Variants in PGBD1 observed in about 807,000 individuals in gnomAD.
The protein encoded by PGBD1 is piggyBac transposable element-derived protein 1.
Under a neutral mutation model 34.7 loss-of-function variants are expected in PGBD1, and 25 were observed. The observed-to-expected ratio is 0.72, with a 90% CI of 0.52 to 1.00. PGBD1 has a LOEUF of 1.00. Among genes scored for constraint, PGBD1 ranks in the 50% least tolerant of loss-of-function variants. The pLI is 0.00. For synonymous variants in PGBD1, 292 were observed against 335.7 expected (o/e 0.87, Z 1.42); for missense variants, 830 against 959.4 (o/e 0.87, Z 1.78).
intron 1 of PGBD1, among the ~76,000 whole-genome samples, chr6:28,282,509 C>T (rs1166960237): frequency 6.6e-6 from 1 of 151,988 alleles, no homozygotes; most frequent in Non-Finnish European, 1.5e-5. Context: ...GGGAGTTGGG[C>T]AGGAATACCG....
intron 4 of PGBD1, among the ~76,000 whole-genome samples, chr6:28,292,813 T>C (rs1762503076): frequency 1.3e-5 from 2 of 152,136 alleles, no homozygotes. Context: ...GAGAATGCCA[T>C]GTGATCACTG....
At chr6:28,292,760 G>GA (rs1358509572) in intron 4 of PGBD1, among the ~76,000 whole-genome samples, 1 of 151,562 alleles carries the variant, frequency 6.6e-6, no homozygotes, top group South Asian at 2.1e-4. Context: ...CCAAGGGGTT[G>GA]AAAAAAAAGA....
chr6:28,288,622 A>G (rs543240771), intron 4 of PGBD1, among the ~76,000 whole-genome samples: 21 of 152,062 alleles, frequency 1.4e-4, no homozygotes, highest in African/African-American at 5.1e-4. Flanking sequence ...TTGGGAGGCC[A>G]TGGCAGGAGG....
intron 5 of PGBD1, 67 bp from the exon 6 acceptor site, chr6:28,297,828 T>TG: frequency 1.1e-5 from 3 of 281,172 alleles, no homozygotes; most frequent in Non-Finnish European, 1.3e-5. Flanking sequence ...TTTTTTTTTT[T>TG]TTTTTTTTTT....
Position 28,301,104 on chromosome 6 carries a change from T to C in PGBD1, c.1250T>C (p.Leu417Ser), listed in dbSNP as rs553195463. ...SGLLNLKSEK[L>S]NPVELFELFF... ...CTTTTGAATCTCAAGAGCGAAAAGTTGAACCCAGTAGAGCTTTTTGAATTA... is the reference window on the plus strand; with the variant it reads ...CTTTTGAATCTCAAGAGCGAAAAGTCGAACCCAGTAGAGCTTTTTGAATTA... The change falls in exon 7 of 7, where the codon TTG becomes TCG. Residue 417 changes from leucine (L) to serine (S), a missense_variant. Physicochemically the swap from Leu to Ser is moderately radical, Grantham distance 145 (BLOSUM62 -2). This residue lies in a region of PGBD1 where 457 missense variants were observed against 515.4 expected (regional missense o/e 0.89). Transcript: ENST00000682144. 3.1e-6 allele frequency: 5 copies of C among 1,614,202 alleles called. No individual in the cohort carries two copies. The South Asian group carries it at 5.5e-5, about 18-fold the overall frequency.
Position 28,301,394 on chromosome 6 carries a change from G to T in PGBD1, c.1540G>T (p.Asp514Tyr), listed in dbSNP as rs1237788845. 3.7e-6 allele frequency: 6 copies of T among 1,613,970 alleles called. No individual in the cohort carries two copies. In the African/African-American group the frequency reaches 6.7e-5, roughly 18 times the overall value. Residue 514 changes from aspartate (D) to tyrosine (Y), a missense_variant, in exon 7 of 7, where the codon GAT becomes TAT. By Grantham distance (160) the Asp-to-Tyr change is radical. This residue lies in a region of PGBD1 where 372 missense variants were observed against 427.9 expected (regional missense o/e 0.87). Transcript: ENST00000682144. ...NLHFADNGHL[D>Y]QKDKFTKLRP... ...GCACTTTGCAGATAATGGCCACCTAGATCAAAAAGATAAGTTTACAAAGTT... is the reference window on the plus strand; with the variant it reads ...GCACTTTGCAGATAATGGCCACCTATATCAAAAAGATAAGTTTACAAAGTT...
In PGBD1 at chr6:28,301,482, A is replaced by G; in HGVS notation, c.1628A>G (p.Tyr543Cys). ...TTGTATGCTCCCCTGGAAGAATACT[A>G]TTGCTTTGATAAGTCAATGTGTGAA... ...FLLYAPLEEYYCFDKSMCECF... is the reference protein window; with the variant it reads ...FLLYAPLEEYCCFDKSMCECF... Residue 543 changes from tyrosine to cysteine, a missense_variant, in exon 7 of 7, where the codon TAT (tyrosine) becomes TGT (cysteine). Transcript: ENST00000682144. 3 of 1,614,026 alleles carry G rather than the reference A, an allele frequency of 1.9e-6. No homozygotes were observed. The highest frequency in any genetic ancestry group is 2.5e-6 in the Non-Finnish European group (3 of 1,179,986).
Position 28,302,313 on chromosome 6 carries a change from TTAA to T in PGBD1, c.*33_*35del. The T allele has an allele frequency of 1.3e-6, 2 of 1,568,352 alleles. No homozygotes were observed. The highest frequency in any genetic ancestry group is 1.7e-6 in the Non-Finnish European group (2 of 1,156,170). The stretch of plus-strand genomic sequence containing the variant: ...ACATAAAATGGACATAGTGCAGACA[TTAA>T]TAAGACATAGAAAAATAATAATTAT... On this transcript the variant is annotated 3_prime_UTR_variant, in exon 7 of 7. Transcript: ENST00000682144.
intron 4 of PGBD1, among the ~76,000 whole-genome samples, chr6:28,289,799 G>A (rs1762392180): frequency 6.6e-6 from 1 of 152,114 alleles, no homozygotes; most frequent in South Asian, 2.1e-4. Context: ...AACAATAATG[G>A]CTAGCAACCT....
chr6:28,284,127 A>G lies in PGBD1; in HGVS notation c.314A>G (p.Lys105Arg), dbSNP rs1762212001. The change falls in exon 2 of 7, where the codon AAG becomes AGG. Residue 105 changes from lysine to arginine, a missense_variant. Coordinates refer to ENST00000682144, the MANE Select transcript of PGBD1 (RefSeq NM_032507.4). ...ILPKELQPCV[K>R]TYPLESGEEA... ...CCCAAGGAGCTCCAGCCCTGTGTGA[A>G]GACATATCCTCTGGAGAGTGGAGAG... 1.5e-5 allele frequency: 24 copies of G among 1,613,650 alleles called. No individual in the cohort carries two copies. The highest frequency in any genetic ancestry group is 2.0e-5 in the Non-Finnish European group (24 of 1,179,722).
rs1244982626 is a variant in PGBD1, at chr6:28,281,898, T to G, written c.-59T>G. On this transcript the variant is annotated 5_prime_UTR_variant, in exon 1 of 7. Coordinates refer to ENST00000682144, the MANE Select transcript of PGBD1 (RefSeq NM_032507.4). ...TTACGTGCATTCGTGAAGAAGCCCA[T>G]CAGTATTTCTTGAATACCAGGTACG... 6.5e-6 allele frequency: 1 copy of G among 152,772 alleles called. No individual in the cohort carries two copies. Among genetic ancestry groups the G allele is most frequent in the Non-Finnish European group, 1.5e-5 (1 of 68,472 alleles). 9.5% of individuals were successfully genotyped at this position (152,772 alleles called of 1,614,324 possible).
chr6:28,302,125 A>G lies in PGBD1; in HGVS notation c.2271A>G (p.Lys757=), dbSNP rs1319752768. 2 of 1,614,174 alleles carry G rather than the reference A, an allele frequency of 1.2e-6. No homozygotes were observed. The highest frequency in any genetic ancestry group is 1.1e-5 in the South Asian group (1 of 91,080). The change falls in exon 7 of 7, where the codon AAA becomes AAG. Residue 757 remains lysine, a synonymous_variant. Coordinates refer to ENST00000682144, the MANE Select transcript of PGBD1 (RefSeq NM_032507.4). ...SKYRVRIRSK[K]WYSILVSYMI... is the part of the protein sequence containing the mutation. The stretch of plus-strand genomic sequence containing the variant: ...ACAGGGTGAGGATAAGAAGCAAGAA[A>G]TGGTACTCAATTTTGGTGAGCTACA...
In PGBD1 at chr6:28,295,581, A is replaced by G. The variant is rs191501604; in HGVS notation, c.643-1235A>G. ...GTTCAACATCGCAGGAAGCCCCTCT[A>G]CCAGCAAAAAGATCACAACTCTCTG... is the stretch of plus-strand genomic sequence containing the variant. On this transcript the variant is annotated intron_variant, in intron 4 of 6. Transcript: ENST00000682144. Among the ~76,000 whole-genome samples the G allele has an allele frequency of 4.6e-5, 7 of 152,344 alleles. No individual in the cohort carries two copies. The South Asian group carries it at 6.2e-4, about 14-fold the overall frequency.
chr6:28,302,367 A>C lies in PGBD1; in HGVS notation c.*83A>C. 7.5e-7 allele frequency: 1 copy of C among 1,328,612 alleles called. No homozygotes were observed. The allele number at this position is 1,328,612 out of a possible 1,614,324, so 82.3% of individuals were successfully genotyped here. On this transcript the variant is annotated 3_prime_UTR_variant, in exon 7 of 7. Transcript: ENST00000682144. The stretch of plus-strand genomic sequence containing the variant: ...ACATGCTGTTGTACCCTCCCAAAGT[A>C]AATCTGATATATGTAATGAAGTTAT...
Position 28,297,551 on chromosome 6 carries a change from C to T in PGBD1, c.773-344C>T, listed in dbSNP as rs536749605. On this transcript the variant is annotated intron_variant, in intron 5 of 6. Transcript: ENST00000682144. ...AATTTTTTGTAGACACGGAGTCTCG[C>T]TATGTTGCCCAGGCTGGTCTTGAAC... is the stretch of plus-strand genomic sequence containing the variant. Among the ~76,000 whole-genome samples, 34 of 152,232 alleles carry T rather than the reference C, an allele frequency of 2.2e-4. 2 individuals carry two copies. The South Asian group carries it at 7.1e-3, about 32-fold the overall frequency.
rs1274429322 is a variant in PGBD1 at position 28,302,153 on chromosome 6, A to T, written c.2299A>T (p.Ile767Phe). 6.2e-7 allele frequency: 1 copy of T among 1,614,058 alleles called. No homozygotes were observed. The highest frequency in any genetic ancestry group is 1.3e-5 in the African/African-American group (1 of 74,924). The change falls in exon 7 of 7, where the codon ATT (isoleucine) becomes TTT (phenylalanine). Residue 767 changes from isoleucine (I) to phenylalanine (F), a missense_variant. Physicochemically the swap from Ile to Phe is conservative, Grantham distance 21 (BLOSUM62 0). Coordinates refer to ENST00000682144, the MANE Select transcript of PGBD1 (RefSeq NM_032507.4). ...GTACTCAATTTTGGTGAGCTACATG[A>T]TTGATGTAGCCATGAACAATGCATG... is the stretch of plus-strand genomic sequence containing the variant. ...KWYSILVSYM[I>F]DVAMNNAWQL...
chr6:28,287,035 A>G (rs1762305561), intron 3 of PGBD1, 45 bp from the exon 4 acceptor site: 5 of 1,480,374 alleles, frequency 3.4e-6, no homozygotes, highest in Non-Finnish European at 4.7e-6. Context: ...GGTACCCTAA[A>G]GGCCATCATG....
chr6:28,297,845 T>TTTTAAAAAAA, intron 5 of PGBD1, 50 bp from the exon 6 acceptor site: 1 of 283,634 alleles, frequency 3.5e-6, no homozygotes, highest in Middle Eastern at 6.6e-4. Context: ...TTTTTTTTTT[T>TTTTAAAAAAA]CAAAATTCAC....
intron 4 of PGBD1, among the ~76,000 whole-genome samples, chr6:28,291,124 C>CAAA (rs555039853): frequency 6.9e-4 from 47 of 68,464 alleles, no homozygotes; most frequent in South Asian, 1.6e-3. Flanking sequence ...AAATTGAGAC[C>CAAA]AAAAAAAAAA....
Sources: allele counts gnomAD v4.1 joint callset (sites outside exome capture counted in the v4.1 genomes callset), GRCh38; gene constraint gnomAD v4.1.1; regional missense constraint gnomAD v4.1.1; transcripts MANE v1.5; gene names NCBI Gene and HGNC (gene_info 2026-07-23, HGNC 2026-07-21).